Variants in RABGAP1L observed in about 807,000 individuals in gnomAD.
The protein encoded by RABGAP1L is RAB GTPase activating protein 1 like, also known as rab GTPase-activating protein 1-like.
RABGAP1L carries 63 observed loss-of-function variants against 137.7 expected under a neutral mutation model. That is an observed-to-expected ratio of 0.46 (90% CI 0.37 to 0.56). The LOEUF is 0.56. Ranked by LOEUF, RABGAP1L falls within the 20% of genes least tolerant of loss-of-function variation. The probability of loss-of-function intolerance (pLI) is 0.00; values close to 1 mark genes in which losing one functional copy is unlikely to be tolerated. For missense variants in RABGAP1L, 1,095 were observed against 1,244.0 expected (o/e 0.88, Z 1.80); for synonymous variants, 431 against 433.7 (o/e 0.99, Z 0.08).
At chr1:174,339,793 G>A (rs983497449) in intron 11 of RABGAP1L, among the ~76,000 whole-genome samples, 1 of 151,966 alleles carries the variant, frequency 6.6e-6, no homozygotes, top group Non-Finnish European at 1.5e-5. Context: ...TTTTAGTAGA[G>A]ATGGGGTTTT....
chr1:174,340,270 C>T (rs529252416), intron 11 of RABGAP1L, among the ~76,000 whole-genome samples: 1 of 152,176 alleles, frequency 6.6e-6, no homozygotes, highest in Non-Finnish European at 1.5e-5. Context: ...TCTGAATTAG[C>T]CAGTACCCCA....
At chr1:174,329,887 A>G (rs1166653325) in intron 11 of RABGAP1L, among the ~76,000 whole-genome samples, 1 of 151,114 alleles carries the variant, frequency 6.6e-6, no homozygotes, top group Non-Finnish European at 1.5e-5. Context: ...GGAAAATTTC[A>G]TAATAATAAT....
At position 174,275,897 on chromosome 1, in the gene RABGAP1L, C is replaced by T; in HGVS notation, c.1118C>T (p.Ala373Val). 6.2e-7 allele frequency: 1 copy of T among 1,612,860 alleles called. No homozygotes were observed. The highest frequency in any genetic ancestry group is 8.5e-7 in the Non-Finnish European group (1 of 1,179,256). The change falls in exon 9 of 26, where the codon GCA becomes GTA. Residue 373 changes from alanine to valine, a missense_variant. Transcript: ENST00000681986. ...YVITGMWNPN[A>V]PVFLALNEET... is the part of the protein sequence containing the mutation. ...ATCACTGGCATGTGGAACCCCAATG[C>T]ACCAGTATTTCTGGCACTTAACGAG...
rs372146675 is a variant in RABGAP1L at position 174,656,438 on chromosome 1, A to G, written c.1824+18950A>G. Among the ~76,000 whole-genome samples the G allele has an allele frequency of 3.7e-4, 56 of 152,344 alleles. 1 individual carries two copies. Among genetic ancestry groups the G allele is most frequent in the African/African-American group, 1.3e-3 (53 of 41,586 alleles). ...ATGCCACTGCCCTCCAGCCTGGGCA[A>G]CAGAGTGAGACTCCTTCTCAATAAA... On this transcript the variant is annotated intron_variant, in intron 14 of 25. Coordinates refer to ENST00000681986, the MANE Select transcript of RABGAP1L (RefSeq NM_001366446.1).
intron 19 of RABGAP1L, among the ~76,000 whole-genome samples, chr1:174,896,160 T>C (rs1320112767): frequency 1.3e-5 from 2 of 152,238 alleles, no homozygotes; most frequent in African/African-American, 4.8e-5. Flanking sequence ...TGGTATCTCA[T>C]TGTGGTTTTG....
At chr1:174,230,287 A>C (rs1006527222) in intron 3 of RABGAP1L, among the ~76,000 whole-genome samples, 1 of 151,844 alleles carries the variant, frequency 6.6e-6, no homozygotes, top group Non-Finnish European at 1.5e-5. Context: ...TAGGAGATAT[A>C]CCTAATGTTA....
intron 13 of RABGAP1L, among the ~76,000 whole-genome samples, chr1:174,625,494 C>T (rs1672881284): frequency 6.6e-6 from 1 of 152,132 alleles, no homozygotes; most frequent in African/African-American, 2.4e-5. Flanking sequence ...AGTGCAGTGG[C>T]ATGATCTCAG....
At chr1:174,472,014 GT>G (rs1273720634) in intron 13 of RABGAP1L, among the ~76,000 whole-genome samples, 3 of 152,222 alleles carry the variant, frequency 2.0e-5, no homozygotes, top group Admixed American at 2.0e-4. Context: ...AATGCATGCT[GT>G]GTATAAGCCA....
At chr1:174,562,649 A>G (rs1034831610) in intron 13 of RABGAP1L, among the ~76,000 whole-genome samples, 1 of 152,156 alleles carries the variant, frequency 6.6e-6, no homozygotes, top group Non-Finnish European at 1.5e-5. Flanking sequence ...TGTGGCACGT[A>G]TACACCACGG....
intron 12 of RABGAP1L, among the ~76,000 whole-genome samples, chr1:174,376,017 C>G (rs1429176456): frequency 6.6e-6 from 1 of 151,572 alleles, no homozygotes; most frequent in African/African-American, 2.4e-5. Context: ...GCAGTGAGCT[C>G]AGATTGTACC....
intron 19 of RABGAP1L, among the ~76,000 whole-genome samples, chr1:174,928,666 G>A (rs990931946): frequency 6.6e-6 from 1 of 152,062 alleles, no homozygotes; most frequent in East Asian, 1.9e-4. Flanking sequence ...TCCCTGACCT[G>A]CAATCTTTTG....
At chr1:174,670,936 G>C (rs1677132160) in intron 14 of RABGAP1L, among the ~76,000 whole-genome samples, 1 of 152,102 alleles carries the variant, frequency 6.6e-6, no homozygotes. Flanking sequence ...TCATATGGTA[G>C]TTCCATTTTT....
chr1:174,598,996 T>TCCC, intron 13 of RABGAP1L, among the ~76,000 whole-genome samples: 1 of 142,024 alleles, frequency 7.0e-6, no homozygotes, highest in East Asian at 2.5e-4. Flanking sequence ...CCTCCCTCCC[T>TCCC]TTCTCTCTCC....
In RABGAP1L at chr1:174,850,393, T is replaced by C. The variant is rs77530910; in HGVS notation, c.2340+38433T>C. ...GACACATGAGAAACTAGTAAACAGT[T>C]ATTATTCCCAGGGAACAGAACTGGG... On this transcript the variant is annotated intron_variant, in intron 19 of 25. Transcript: ENST00000681986. 2.2e-4 allele frequency among the ~76,000 whole-genome samples: 34 copies of C among 152,326 alleles called. No individual in the cohort carries two copies. The East Asian group carries it at 6.5e-3, about 29-fold the overall frequency.
rs71701825 is a variant in RABGAP1L, at chr1:174,664,734, CTTTTTTTTTTTTT to C, written c.1825-18779_1825-18767del. Reference sequence around the variant, plus strand: ...CTCTTTCTTTCTTTCTTTCTGCTTTCTTTTTTTTTTTTTTTTTTTTTGACAGAGTTTTCACTCT... The same window carrying C: ...CTCTTTCTTTCTTTCTTTCTGCTTTCTTTTTTTTGACAGAGTTTTCACTCT... On this transcript the variant is annotated intron_variant, in intron 14 of 25. Transcript: ENST00000681986. Among the ~76,000 whole-genome samples the C allele has an allele frequency of 6.9e-4, 67 of 97,580 alleles. 1 individual carries two copies. Among genetic ancestry groups the C allele is most frequent in the Non-Finnish European group, 9.9e-4 (54 of 54,796 alleles). The allele number at this position is 97,580 out of a possible 152,430, so 64.0% of individuals were successfully genotyped here.
intron 14 of RABGAP1L, among the ~76,000 whole-genome samples, chr1:174,652,948 C>T (rs1033442461): frequency 6.6e-6 from 1 of 152,212 alleles, no homozygotes; most frequent in Non-Finnish European, 1.5e-5. Flanking sequence ...AGTTTTATCT[C>T]TAAGGTCCTG....
At chr1:174,383,610 C>T (rs769461915) in intron 12 of RABGAP1L, among the ~76,000 whole-genome samples, 2 of 152,164 alleles carry the variant, frequency 1.3e-5, no homozygotes, top group Non-Finnish European at 2.9e-5. Context: ...TGACCCCTTG[C>T]GCTTCCCAAG....
chr1:174,301,055 G>T (rs1571982354), intron 10 of RABGAP1L, among the ~76,000 whole-genome samples: 1 of 152,082 alleles, frequency 6.6e-6, no homozygotes, highest in South Asian at 2.1e-4. Flanking sequence ...GCCAGTTCAT[G>T]CCCGGTCTGC....
chr1:174,989,799 G>T (rs951143150), intron 25 of RABGAP1L, 50 bp from the exon 26 acceptor site: 5 of 1,524,192 alleles, frequency 3.3e-6, no homozygotes, highest in Non-Finnish European at 4.4e-6. Context: ...TTATTTATTG[G>T]CAAAGAGAAA....
Sources: gnomAD v4.1 joint callset for allele counts (sites outside exome capture counted in the v4.1 genomes callset) on GRCh38, gnomAD v4.1.1 for gene constraint, MANE v1.5 for transcripts, NCBI Gene and HGNC (gene_info 2026-07-23, HGNC 2026-07-21) for gene names.